Variants in PTPRF observed in about 807,000 individuals in gnomAD.
PTPRF encodes receptor-type tyrosine-protein phosphatase F.
PTPRF carries 59 observed loss-of-function variants against 201.8 expected under a neutral mutation model. The observed-to-expected ratio is 0.29, with a 90% CI of 0.24 to 0.36. PTPRF has a LOEUF of 0.36. Among genes scored for constraint, PTPRF ranks in the 10% least tolerant of loss-of-function variants. The pLI, the probability that PTPRF is intolerant of heterozygous loss-of-function variation, is 1.00. For synonymous variants in PTPRF, 1,088 were observed against 1,089.7 expected (o/e 1.00, Z 0.03); for missense variants, 2,132 against 2,690.5 (o/e 0.79, Z 4.59).
chr1:43,524,965 A>G (rs1485331491), upstream of PTPRF, among the ~76,000 whole-genome samples: 1 of 152,222 alleles, frequency 6.6e-6, no homozygotes, highest in Non-Finnish European at 1.5e-5. Flanking sequence ...TTAAGGGAAC[A>G]TCTGTCTGAC....
rs769423424 is a variant in PTPRF at position 43,622,009 on chromosome 1, G to T, written c.*6G>T. On this transcript the variant is annotated 3_prime_UTR_variant, in exon 34 of 34. Coordinates refer to ENST00000359947, the MANE Select transcript of PTPRF (RefSeq NM_002840.5). ...TTGACCACTATGCAACGTAACTACC[G>T]CTCCCCTCTCCTCCGCCACCCCCGC... The T allele has an allele frequency of 6.8e-6, 11 of 1,613,666 alleles. No homozygotes were observed. Among genetic ancestry groups the T allele is most frequent in the Non-Finnish European group, 8.5e-6 (10 of 1,179,846 alleles).
At chr1:43,565,843 C>T (rs1178462315) in intron 5 of PTPRF, among the ~76,000 whole-genome samples, 5 of 152,102 alleles carry the variant, frequency 3.3e-5, no homozygotes, top group African/African-American at 2.4e-5. Context: ...CGGACGCGCG[C>T]GCCTGCACGG....
chr1:43,600,518 G>A (rs1653491969), intron 13 of PTPRF, among the ~76,000 whole-genome samples: 1 of 151,318 alleles, frequency 6.6e-6, no homozygotes, highest in Non-Finnish European at 1.5e-5. Context: ...AGTGGGGCCT[G>A]GTCCCGAGCG....
Position 43,602,064 on chromosome 1 carries a change from C to A in PTPRF, c.2314-7C>A, listed in dbSNP as rs371189300. 1 of 1,612,650 alleles carries A rather than the reference C, an allele frequency of 6.2e-7. No homozygotes were observed. The highest frequency in any genetic ancestry group is 8.5e-7 in the Non-Finnish European group (1 of 1,178,588). On this transcript the variant is annotated splice_region_variant and splice_polypyrimidine_tract_variant and intron_variant, in intron 13 of 33. Coordinates refer to ENST00000359947, the MANE Select transcript of PTPRF (RefSeq NM_002840.5). ...TGTCTCCCTTTCTCTCCCTCTCCCGCGGTCAGTGGCGGCCAGAGGAGTCCG... is the reference window on the plus strand; with the variant it reads ...TGTCTCCCTTTCTCTCCCTCTCCCGAGGTCAGTGGCGGCCAGAGGAGTCCG...
upstream of PTPRF, among the ~76,000 whole-genome samples, chr1:43,527,252 CA>C (rs1643156712): frequency 1.3e-5 from 2 of 152,190 alleles, no homozygotes; most frequent in African/African-American, 4.8e-5. Context: ...CAGATGAGCA[CA>C]AGGACATCCC....
chr1:43,545,024 A>G lies in PTPRF; in HGVS notation c.-45-7A>G. The G allele has an allele frequency of 6.7e-7, 1 of 1,493,492 alleles. No individual in the cohort carries two copies. Among genetic ancestry groups the G allele is most frequent in the Admixed American group, 2.1e-5 (1 of 48,692 alleles). The allele number at this position is 1,493,492 out of a possible 1,614,324, so 92.5% of individuals were successfully genotyped here. On this transcript the variant is annotated splice_region_variant and splice_polypyrimidine_tract_variant and intron_variant, in intron 2 of 33. Coordinates refer to ENST00000359947, the MANE Select transcript of PTPRF (RefSeq NM_002840.5). ...GCTAACTGGCTCTGCCCTTCTCTCC[A>G]TTACAGGTTGATTGTCCTGGGCTGT...
intron 6 of PTPRF, among the ~76,000 whole-genome samples, chr1:43,576,153 C>T (rs993721320): frequency 5.9e-5 from 9 of 152,238 alleles, no homozygotes; most frequent in African/African-American, 1.4e-4. Flanking sequence ...AGATACTCGC[C>T]GGGCCCCGCC....
intron 1 of PTPRF, among the ~76,000 whole-genome samples, chr1:43,531,844 C>T (rs906152618): frequency 8.5e-5 from 13 of 152,196 alleles, no homozygotes; most frequent in Admixed American, 7.8e-4. Context: ...CCGTCCCGTC[C>T]CGTCCCGGCT....
At chr1:43,529,525 G>A (rs1643272353), upstream of PTPRF, among the ~76,000 whole-genome samples, 2 of 152,032 alleles carry the variant, frequency 1.3e-5, no homozygotes, top group Admixed American at 1.3e-4. Flanking sequence ...CCCCACAGAA[G>A]AAACCCCACA....
intron 1 of PTPRF, among the ~76,000 whole-genome samples, chr1:43,533,539 C>A (rs1021772840): frequency 5.3e-5 from 8 of 152,260 alleles, no homozygotes; most frequent in African/African-American, 1.9e-4. Context: ...GTGATACACA[C>A]CACGGCTCCT....
At chr1:43,551,001 C>T (rs960067922) in intron 3 of PTPRF, among the ~76,000 whole-genome samples, 3 of 152,160 alleles carry the variant, frequency 2.0e-5, no homozygotes, top group African/African-American at 4.8e-5. Flanking sequence ...GGTCAGACCC[C>T]GCGGCTTTGT....
intron 8 of PTPRF, among the ~76,000 whole-genome samples, chr1:43,589,313 C>T (rs1213460253): frequency 6.6e-6 from 1 of 151,730 alleles, no homozygotes; most frequent in African/African-American, 2.4e-5. Flanking sequence ...ATTTTTGAAA[C>T]GAGGGAACCG....
chr1:43,605,150 C>T (rs1380393687), intron 17 of PTPRF, 40 bp from the exon 18 acceptor site: 28 of 1,577,890 alleles, frequency 1.8e-5, no homozygotes, highest in Non-Finnish European at 2.3e-5. Context: ...GGTAGGGAAC[C>T]TCACCCAAAG....
intron 7 of PTPRF, 80 bp downstream of exon 7, chr1:43,579,000 G>A: frequency 7.6e-7 from 1 of 1,313,300 alleles, no homozygotes; most frequent in Non-Finnish European, 1.1e-6. Context: ...AGAGCCCTTG[G>A]TGCAGACACG....
intron 22 of PTPRF, chr1:43,613,308 G>A (rs576073670): frequency 2.4e-4 from 84 of 356,290 alleles, no homozygotes; most frequent in African/African-American, 1.5e-3. Flanking sequence ...CGACCTGGGC[G>A]TCCCACCCCT....
rs765182424 is a variant in PTPRF at position 43,597,899 on chromosome 1, G to C, written c.1965G>C (p.Gly655=). The change falls in exon 12 of 34, where the codon GGG becomes GGC. Residue 655 remains glycine (G), a synonymous_variant. Transcript: ENST00000359947. ...AGGCGGTGGACGGCGAGGACCGCGGGCGGCATGTGGTGGATGGCATCAGCC... is the reference window on the plus strand; with the variant it reads ...AGGCGGTGGACGGCGAGGACCGCGGCCGGCATGTGGTGGATGGCATCAGCC... ...AYEAVDGEDR[G]RHVVDGISRE... 6.2e-7 allele frequency: 1 copy of C among 1,605,312 alleles called. No individual in the cohort carries two copies. Among genetic ancestry groups the C allele is most frequent in the Non-Finnish European group, 8.5e-7 (1 of 1,176,466 alleles).
At chr1:43,590,888 A>G (rs1650502904) in intron 8 of PTPRF, 84 bp from the exon 9 acceptor site, 12 of 1,282,116 alleles carry the variant, frequency 9.4e-6, no homozygotes, top group Non-Finnish European at 1.3e-5. Flanking sequence ...ACCCCACCAG[A>G]TATCCTGGAT....
At chr1:43,575,781 C>T in intron 6 of PTPRF, 3 of 600,412 alleles carry the variant, frequency 5.0e-6, no homozygotes, top group Non-Finnish European at 8.2e-6. Context: ...TAACTCAGGC[C>T]TCAATTTCTC....
chr1:43,539,452 ACT>A (rs1382600477), intron 2 of PTPRF, among the ~76,000 whole-genome samples: 3 of 152,030 alleles, frequency 2.0e-5, no homozygotes, highest in Non-Finnish European at 4.4e-5. Flanking sequence ...AGAGCCTGTG[ACT>A]CTCTTGTTCA....
Sources: gnomAD v4.1 joint callset for allele counts (sites outside exome capture counted in the v4.1 genomes callset) on GRCh38, gnomAD v4.1.1 for gene constraint, MANE v1.5 for transcripts, NCBI Gene and HGNC (gene_info 2026-07-23, HGNC 2026-07-21) for gene names.